Variants in SPATA16 observed in about 807,000 individuals in gnomAD.
SPATA16 encodes the protein spermatogenesis-associated protein 16.
Under a neutral mutation model 63.3 loss-of-function variants are expected in SPATA16, and 36 were observed. The ratio of observed to expected loss-of-function variants is 0.57; its 90% CI spans 0.44 to 0.75. SPATA16 has a LOEUF of 0.75. Ranked by LOEUF, SPATA16 falls within the 30% of genes least tolerant of loss-of-function variation. The probability of loss-of-function intolerance (pLI) is 0.00; values close to 1 mark genes in which losing one functional copy is unlikely to be tolerated. For synonymous variants in SPATA16, 203 were observed against 216.7 expected (o/e 0.94, Z 0.56); for missense variants, 646 against 679.3 (o/e 0.95, Z 0.54).
chr3:172,915,796 A>G (rs1224591068), intron 9 of SPATA16, among the ~76,000 whole-genome samples: 1 of 152,162 alleles, frequency 6.6e-6, no homozygotes, highest in Admixed American at 6.6e-5. Flanking sequence ...TATTTTGACT[A>G]GCTATGTTTT....
chr3:173,089,973 C>T lies in SPATA16; in HGVS notation c.612+27147G>A, dbSNP rs529581593. 1.4e-3 allele frequency among the ~76,000 whole-genome samples: 213 copies of T among 152,278 alleles called. 1 individual carries two copies. The highest frequency in any genetic ancestry group is 4.9e-3 in the African/African-American group (205 of 41,546). ...CTGGATACTGTTTTCTACTAAAAAGCCTGCTTTTAACAGGTGCTAAAGAAC... is the reference window on the plus strand; with the variant it reads ...CTGGATACTGTTTTCTACTAAAAAGTCTGCTTTTAACAGGTGCTAAAGAAC... On this transcript the variant is annotated intron_variant, in intron 2 of 10. Coordinates refer to ENST00000351008, the MANE Select transcript of SPATA16 (RefSeq NM_031955.6).
chr3:172,889,607 G>A lies in SPATA16; in HGVS notation c.1673C>T (p.Thr558Ile). 3 of 1,612,382 alleles carry A rather than the reference G, an allele frequency of 1.9e-6. No homozygotes were observed. The highest frequency in any genetic ancestry group is 1.7e-6 in the Non-Finnish European group (2 of 1,179,192). ...KKLRTARRQK[T>I]KMKRLQTVQQ... ...AACAGTTTGAAGTCGCTTCATTTTT[G>A]TTTTTTGCCTTCGAGCAGTTCTCAG... The change falls in exon 11 of 11, where the codon ACA becomes ATA. Residue 558 changes from threonine to isoleucine, a missense_variant. Coordinates refer to ENST00000351008, the MANE Select transcript of SPATA16 (RefSeq NM_031955.6).
intron 2 of SPATA16, among the ~76,000 whole-genome samples, chr3:173,107,919 G>T (rs1468156895): frequency 2.6e-5 from 4 of 152,076 alleles, no homozygotes; most frequent in African/African-American, 7.2e-5. Flanking sequence ...ATTTTTCTGG[G>T]TGTCATCCCT....
chr3:172,899,669 T>A (rs1732083133), intron 10 of SPATA16, among the ~76,000 whole-genome samples: 1 of 152,096 alleles, frequency 6.6e-6, no homozygotes, highest in Non-Finnish European at 1.5e-5. Context: ...CCATTTTATT[T>A]TTTATTTTCT....
At chr3:173,078,390 GA>G (rs1236996004) in intron 2 of SPATA16, among the ~76,000 whole-genome samples, 1 of 152,150 alleles carries the variant, frequency 6.6e-6, no homozygotes, top group African/African-American at 2.4e-5. Flanking sequence ...GCAATGTTAA[GA>G]GGACAAATGT....
chr3:173,008,258 C>T (rs1734987925), intron 4 of SPATA16, among the ~76,000 whole-genome samples: 1 of 152,070 alleles, frequency 6.6e-6, no homozygotes, highest in Non-Finnish European at 1.5e-5. Context: ...AATTCATAAG[C>T]ATATTTATTT....
intron 4 of SPATA16, among the ~76,000 whole-genome samples, chr3:172,998,783 T>C (rs1056771178): frequency 1.3e-5 from 2 of 152,206 alleles, no homozygotes; most frequent in Non-Finnish European, 2.9e-5. Context: ...AAATGCTTTC[T>C]CTGAATTTGT....
intron 10 of SPATA16, among the ~76,000 whole-genome samples, chr3:172,894,545 A>G (rs1478963909): frequency 1.3e-5 from 2 of 151,788 alleles, no homozygotes; most frequent in African/African-American, 4.8e-5. Flanking sequence ...ACCCATAATG[A>G]TAACACTTTT....
At chr3:172,906,067 G>A (rs1242516300) in intron 10 of SPATA16, among the ~76,000 whole-genome samples, 1 of 152,298 alleles carries the variant, frequency 6.6e-6, no homozygotes, top group Admixed American at 6.5e-5. Flanking sequence ...TTTCTTCTTA[G>A]TTGCAGACAG....
At chr3:173,070,999 G>A (rs1356482871) in intron 2 of SPATA16, among the ~76,000 whole-genome samples, 1 of 152,090 alleles carries the variant, frequency 6.6e-6, no homozygotes, top group Non-Finnish European at 1.5e-5. Flanking sequence ...ACCCAGAATA[G>A]CCAAAGCTAT....
At chr3:173,114,043 G>A (rs1358709902) in intron 2 of SPATA16, among the ~76,000 whole-genome samples, 5 of 152,098 alleles carry the variant, frequency 3.3e-5, no homozygotes, top group African/African-American at 1.2e-4. Flanking sequence ...AGCCAGGCGT[G>A]GTGGCAGGTG....
intron 2 of SPATA16, among the ~76,000 whole-genome samples, chr3:173,074,053 C>G (rs1010696431): frequency 3.3e-5 from 5 of 152,162 alleles, no homozygotes; most frequent in Admixed American, 2.0e-4. Context: ...GGGTCTTTAG[C>G]CCCATTGTTT....
rs753823457 is a variant in SPATA16 at position 172,892,839 on chromosome 3, T to TAC, written c.1588-3149_1588-3148dup. ...ACTTGCTTAACTGTATCAGATAGGCTACTTTGTCATTCTGGGTCTAATTTT... is the reference window on the plus strand; with the variant it reads ...ACTTGCTTAACTGTATCAGATAGGCTACACTTTGTCATTCTGGGTCTAATTTT... On this transcript the variant is annotated intron_variant, in intron 10 of 10. Coordinates refer to ENST00000351008, the MANE Select transcript of SPATA16 (RefSeq NM_031955.6). 2.6e-5 allele frequency among the ~76,000 whole-genome samples: 4 copies of TAC among 152,356 alleles called. No individual in the cohort carries two copies. The East Asian group carries it at 7.7e-4, about 29-fold the overall frequency.
chr3:173,050,050 T>A (rs928027277), intron 2 of SPATA16, among the ~76,000 whole-genome samples: 1 of 152,188 alleles, frequency 6.6e-6, no homozygotes, highest in African/African-American at 2.4e-5. Flanking sequence ...TATTTATATA[T>A]CCTTCAGTAT....
chr3:173,110,397 A>G (rs1737719254), intron 2 of SPATA16, among the ~76,000 whole-genome samples: 1 of 152,216 alleles, frequency 6.6e-6, no homozygotes, highest in Non-Finnish European at 1.5e-5. Context: ...TGCTTTGGTT[A>G]AATTTTAAAT....
chr3:173,072,788 T>C (rs921511614), intron 2 of SPATA16, among the ~76,000 whole-genome samples: 1 of 152,214 alleles, frequency 6.6e-6, no homozygotes, highest in Non-Finnish European at 1.5e-5. Flanking sequence ...GCTGTAAAGA[T>C]ACCTGAAGAT....
At chr3:172,995,468 T>C (rs1734674195) in intron 4 of SPATA16, among the ~76,000 whole-genome samples, 1 of 151,982 alleles carries the variant, frequency 6.6e-6, no homozygotes, top group Admixed American at 6.6e-5. Context: ...AAAGAGAGTA[T>C]AAAAGAATAG....
At chr3:173,030,034 A>G (rs1302710961) in intron 3 of SPATA16, among the ~76,000 whole-genome samples, 1 of 151,616 alleles carries the variant, frequency 6.6e-6, no homozygotes, top group African/African-American at 2.4e-5. Context: ...GATGCCTAAT[A>G]TTGAAGACAG....
At chr3:172,963,216 T>G (rs1162505257) in intron 5 of SPATA16, among the ~76,000 whole-genome samples, 1 of 152,148 alleles carries the variant, frequency 6.6e-6, no homozygotes, top group Non-Finnish European at 1.5e-5. Context: ...TTTCATTTTT[T>G]CTTAATATAA....
Sources: allele counts gnomAD v4.1 joint callset (sites outside exome capture counted in the v4.1 genomes callset), GRCh38; gene constraint gnomAD v4.1.1; transcripts MANE v1.5; gene names NCBI Gene and HGNC (gene_info 2026-07-23, HGNC 2026-07-21).